LARGE1: variants seen among roughly 807,000 people sequenced by gnomAD.
LARGE1 encodes the protein LARGE xylosyl- and glucuronyltransferase 1.
LARGE1 carries 43 observed loss-of-function variants against 87.6 expected under a neutral mutation model. The ratio of observed to expected loss-of-function variants is 0.49; its 90% CI spans 0.38 to 0.63. LARGE1 has a LOEUF of 0.63. LARGE1 is among the 30% of genes least tolerant of loss of function. LARGE1 has a pLI of 0.00. For synonymous variants in LARGE1, 434 were observed against 394.6 expected, an observed-to-expected ratio of 1.10 and a Z score of -1.18; for missense variants, 802 against 1,000.2, an observed-to-expected ratio of 0.80 and a Z score of 2.67.
intron 11 of LARGE1, among the ~76,000 whole-genome samples, chr22:33,258,904 G>T (rs1927463862): frequency 6.8e-6 from 1 of 146,374 alleles, no homozygotes; most frequent in Non-Finnish European, 1.5e-5. Context: ...CCAAGACATA[G>T]TCTTGCTCTG....
At chr22:33,371,776 A>T (rs767780788) in intron 9 of LARGE1, among the ~76,000 whole-genome samples, 7 of 152,146 alleles carry the variant, frequency 4.6e-5, no homozygotes, top group Non-Finnish European at 7.4e-5. Flanking sequence ...TGAGGTCAGG[A>T]GATCGAGACC....
At chr22:33,443,515 T>C (rs191805670) in intron 6 of LARGE1, among the ~76,000 whole-genome samples, 3 of 152,298 alleles carry the variant, frequency 2.0e-5, no homozygotes, top group Non-Finnish European at 2.9e-5. Flanking sequence ...GTTTAATTTC[T>C]TTCAGTGTTA....
At chr22:33,406,521 C>T (rs1368872015) in intron 7 of LARGE1, among the ~76,000 whole-genome samples, 1 of 152,106 alleles carries the variant, frequency 6.6e-6, no homozygotes. Context: ...CGCACACACC[C>T]TCACTGTTTG....
chr22:33,271,849 T>C (rs1320635407), downstream of LARGE1, among the ~76,000 whole-genome samples: 1 of 152,242 alleles, frequency 6.6e-6, no homozygotes, highest in Non-Finnish European at 1.5e-5. Context: ...TCAGTGAGAT[T>C]GGCTTACAGT....
intron 11 of LARGE1, among the ~76,000 whole-genome samples, chr22:33,241,410 G>A (rs1189205628): frequency 6.6e-6 from 1 of 152,058 alleles, no homozygotes; most frequent in African/African-American, 2.4e-5. Flanking sequence ...GCTCTTTGGA[G>A]GCAGAGACTG....
At chr22:33,809,997 T>C (rs929763367) in intron 1 of LARGE1, among the ~76,000 whole-genome samples, 4 of 152,252 alleles carry the variant, frequency 2.6e-5, no homozygotes, top group South Asian at 2.1e-4. Context: ...CTTGTAGTTA[T>C]AGGCGGGTGT....
chr22:33,513,614 C>G (rs2071154331), intron 6 of LARGE1, among the ~76,000 whole-genome samples: 1 of 152,090 alleles, frequency 6.6e-6, no homozygotes, highest in Admixed American at 6.5e-5. Flanking sequence ...CAAACACATG[C>G]AAGAGAGGAA....
intron 2 of LARGE1, among the ~76,000 whole-genome samples, chr22:33,693,546 G>A (rs1038805947): frequency 6.6e-6 from 1 of 152,124 alleles, no homozygotes; most frequent in African/African-American, 2.4e-5. Flanking sequence ...TCAACCCATG[G>A]CTGGGGCGGT....
intron 11 of LARGE1, among the ~76,000 whole-genome samples, chr22:33,208,930 C>T (rs2146227177): frequency 6.6e-6 from 1 of 152,322 alleles, no homozygotes; most frequent in South Asian, 2.1e-4. Context: ...CATAGTGTTC[C>T]ATGGTGTATA....
intron 11 of LARGE1, among the ~76,000 whole-genome samples, chr22:33,213,076 A>T (rs546050133): frequency 6.6e-6 from 1 of 152,250 alleles, no homozygotes; most frequent in East Asian, 1.9e-4. Flanking sequence ...ATCAACATTA[A>T]TAGGAGTTTG....
At chr22:33,748,715 T>G (rs1250636659) in intron 2 of LARGE1, among the ~76,000 whole-genome samples, 2 of 152,228 alleles carry the variant, frequency 1.3e-5, no homozygotes, top group Non-Finnish European at 2.9e-5. Context: ...GGATGGCCCT[T>G]TCCTCTTTGT....
chr22:33,453,652 C>CCATCTT (rs1302280510), intron 6 of LARGE1, among the ~76,000 whole-genome samples: 1 of 152,064 alleles, frequency 6.6e-6, no homozygotes, highest in South Asian at 2.1e-4. Flanking sequence ...CTGAGGCAGC[C>CCATCTT]CATCTTCATT....
chr22:33,664,977 C>A (rs1367837480), intron 2 of LARGE1, among the ~76,000 whole-genome samples: 1 of 152,200 alleles, frequency 6.6e-6, no homozygotes, highest in Non-Finnish European at 1.5e-5. Context: ...TCTTTCCGAC[C>A]TCAAAATGCT....
At chr22:33,509,129 CT>C (rs1471751338) in intron 6 of LARGE1, among the ~76,000 whole-genome samples, 6 of 152,168 alleles carry the variant, frequency 3.9e-5, no homozygotes, top group Non-Finnish European at 7.3e-5. Context: ...GGGTTTCAAA[CT>C]TTCCCACGCA....
chr22:33,434,490 G>A (rs1049526813), intron 6 of LARGE1, among the ~76,000 whole-genome samples: 13 of 152,040 alleles, frequency 8.6e-5, no homozygotes, highest in Admixed American at 2.0e-4. Flanking sequence ...TAGTAGAGAC[G>A]GGGTTTCACC....
chr22:33,417,681 AGGGCTCTTGCCCG>A (rs2066547066), intron 7 of LARGE1, among the ~76,000 whole-genome samples: 1 of 152,310 alleles, frequency 6.6e-6, no homozygotes, highest in South Asian at 2.1e-4. Flanking sequence ...GCAGCCATCC[AGGGCTCTTGCCCG>A]GGGCTCTCGG....
At chr22:33,073,802 G>A in the LARGE1 span, among the ~76,000 whole-genome samples, 2 of 152,146 alleles carry the variant, frequency 1.3e-5, no homozygotes, top group African/African-American at 4.8e-5. Flanking sequence ...TTTGGTAGCC[G>A]AGAACATATA....
chr22:33,206,606 G>T (rs1924699057), intron 11 of LARGE1, among the ~76,000 whole-genome samples: 1 of 152,116 alleles, frequency 6.6e-6, no homozygotes, highest in Non-Finnish European at 1.5e-5. Flanking sequence ...TATGCAGGCT[G>T]GCATGCCTGC....
rs554719211 is a variant in LARGE1 at position 33,678,192 on chromosome 22, T to C, written c.107-27524A>G. The stretch of plus-strand genomic sequence containing the variant: ...TCATATAGATGAGAAATCCAGTATG[T>C]AAAACTACAATATTATGCATGTGGA... On this transcript the variant is annotated intron_variant, in intron 2 of 14. Coordinates refer to ENST00000397394, the MANE Select transcript of LARGE1 (RefSeq NM_133642.5). Among the ~76,000 whole-genome samples, 11 of 152,334 alleles carry C rather than the reference T, an allele frequency of 7.2e-5. 1 individual carries two copies. In the South Asian group the frequency reaches 2.3e-3, roughly 32 times the overall value.
Sources: allele counts gnomAD v4.1 joint callset (sites outside exome capture counted in the v4.1 genomes callset), GRCh38; gene constraint gnomAD v4.1.1; transcripts MANE v1.5; gene names NCBI Gene and HGNC (gene_info 2026-07-23, HGNC 2026-07-21).